CSMD3: variants seen among roughly 807,000 people sequenced by gnomAD.
CSMD3 encodes the protein CUB and sushi domain-containing protein 3.
CSMD3 carries 177 observed loss-of-function variants against 435.2 expected under a neutral mutation model. The observed-to-expected ratio is 0.41, with a 90% CI of 0.36 to 0.46. The LOEUF is 0.46. Among genes scored for constraint, CSMD3 ranks in the 20% least tolerant of loss-of-function variants. The pLI is 0.34. For synonymous variants in CSMD3, 1,656 were observed against 1,520.5 expected (o/e 1.09, Z -2.07); for missense variants, 4,265 against 4,504.6 (o/e 0.95, Z 1.52).
At chr8:113,417,462 T>C (rs911743336) in intron 1 of CSMD3, among the ~76,000 whole-genome samples, 2 of 151,890 alleles carry the variant, frequency 1.3e-5, no homozygotes, top group African/African-American at 4.8e-5. Context: ...TAATTTTATA[T>C]AGTAAAAAAT....
At chr8:112,687,021 T>C (rs2076028192) in intron 14 of CSMD3, among the ~76,000 whole-genome samples, 1 of 152,164 alleles carries the variant, frequency 6.6e-6, no homozygotes, top group Non-Finnish European at 1.5e-5. Context: ...TAACACTGAC[T>C]CTATTCTTGA....
chr8:113,087,295 C>T (rs7842301), intron 5 of CSMD3, among the ~76,000 whole-genome samples: 100,891 of 150,592 alleles, frequency 0.67, 35,369 homozygotes, highest in East Asian at 0.95. Flanking sequence ...AGGTAATTTA[C>T]AGATTCAATG....
chr8:112,763,693 T>C (rs1484920859), intron 13 of CSMD3, among the ~76,000 whole-genome samples: 1 of 150,484 alleles, frequency 6.6e-6, no homozygotes, highest in African/African-American at 2.4e-5. Context: ...TTTGCTATTA[T>C]AATTTTTTTT....
chr8:112,794,320 G>A (rs927956779), intron 13 of CSMD3, among the ~76,000 whole-genome samples: 16 of 119,980 alleles, frequency 1.3e-4, no homozygotes, highest in Non-Finnish European at 2.6e-4. Flanking sequence ...TTGAGATGGA[G>A]TCTCACTGTG....
intron 7 of CSMD3, among the ~76,000 whole-genome samples, chr8:112,955,059 A>G (rs2083965898): frequency 6.6e-6 from 1 of 151,614 alleles, no homozygotes; most frequent in South Asian, 2.1e-4. Flanking sequence ...TTAGCAGTTT[A>G]TGATAAACCA....
chr8:112,919,462 C>T (rs1419541170), intron 10 of CSMD3, among the ~76,000 whole-genome samples: 1 of 151,818 alleles, frequency 6.6e-6, no homozygotes, highest in African/African-American at 2.4e-5. Context: ...AACAAAGATG[C>T]TATGTAGTCT....
intron 9 of CSMD3, among the ~76,000 whole-genome samples, chr8:112,938,920 CATT>C (rs1225556460): frequency 6.6e-6 from 1 of 151,976 alleles, no homozygotes; most frequent in African/African-American, 2.4e-5. Flanking sequence ...TGAGTTTACT[CATT>C]AGTAAAATAG....
chr8:113,165,014 G>C (rs182636152), intron 4 of CSMD3, among the ~76,000 whole-genome samples: 1 of 152,248 alleles, frequency 6.6e-6, no homozygotes, highest in Admixed American at 6.5e-5. Context: ...AAGAGCAAAA[G>C]AATACCAGAT....
chr8:112,255,310 C>A lies in CSMD3; in HGVS notation c.9980G>T (p.Ser3327Ile), dbSNP rs1050414303. 1 of 1,613,482 alleles carries A rather than the reference C, an allele frequency of 6.2e-7. No homozygotes were observed. Among genetic ancestry groups the A allele is most frequent in the Non-Finnish European group, 8.5e-7 (1 of 1,179,618 alleles). ...GCCATCTGCTTGACATATTCTGGTGCTTGATCCCACTAATATGAAAGGAAA... is the reference window on the plus strand; with the variant it reads ...GCCATCTGCTTGACATATTCTGGTGATTGATCCCACTAATATGAAAGGAAA... The part of the protein sequence containing the change: ...CNFPFILVGS[S>I]TRICQADGTW... The change falls in exon 62 of 71, where the codon AGC (serine) becomes ATC (isoleucine). Residue 3327 changes from serine to isoleucine, a missense_variant. This residue lies in a region of CSMD3 where 3,255 missense variants were observed against 3,380.2 expected (regional missense o/e 0.96). Transcript: ENST00000297405.
intron 17 of CSMD3, among the ~76,000 whole-genome samples, chr8:112,659,728 A>G (rs909156126): frequency 2.0e-5 from 3 of 152,172 alleles, no homozygotes; most frequent in African/African-American, 7.2e-5. Context: ...GAATTGTTAA[A>G]TGTTTGGATA....
At chr8:112,457,805 C>T (rs934964883) in intron 32 of CSMD3, among the ~76,000 whole-genome samples, 1 of 151,992 alleles carries the variant, frequency 6.6e-6, no homozygotes, top group African/African-American at 2.4e-5. Context: ...CTCCCAGCTG[C>T]ATATGAATGT....
intron 31 of CSMD3, among the ~76,000 whole-genome samples, chr8:112,479,530 T>C (rs1048409704): frequency 1.3e-5 from 2 of 151,988 alleles, no homozygotes; most frequent in African/African-American, 4.8e-5. Context: ...TAGGAAAAAA[T>C]AATAGTTTCC....
intron 4 of CSMD3, among the ~76,000 whole-genome samples, chr8:113,147,318 T>C (rs2091699086): frequency 6.6e-6 from 1 of 151,720 alleles, no homozygotes; most frequent in Admixed American, 6.6e-5. Flanking sequence ...AAACTATATA[T>C]TGCATAAAAG....
intron 32 of CSMD3, among the ~76,000 whole-genome samples, chr8:112,449,739 T>C (rs1816043180): frequency 6.6e-6 from 1 of 152,230 alleles, no homozygotes; most frequent in South Asian, 2.1e-4. Flanking sequence ...CTAATAGGAA[T>C]GTTCTACGGA....
chr8:112,552,187 C>G (rs1827741615), intron 26 of CSMD3, among the ~76,000 whole-genome samples: 1 of 151,936 alleles, frequency 6.6e-6, no homozygotes, highest in Admixed American at 6.6e-5. Context: ...TAATAATTTG[C>G]AAAACTCTGT....
chr8:113,009,719 T>C (rs559247659), intron 6 of CSMD3, among the ~76,000 whole-genome samples: 3 of 151,800 alleles, frequency 2.0e-5, no homozygotes, highest in Non-Finnish European at 4.4e-5. Flanking sequence ...AATATGATGT[T>C]TTGATTTGAA....
intron 31 of CSMD3, among the ~76,000 whole-genome samples, chr8:112,491,459 AGCCTGAGCAACATT>A (rs1411401014): frequency 3.3e-4 from 50 of 152,220 alleles, no homozygotes; most frequent in Admixed American, 3.3e-3. Context: ...GTTTGAGACC[AGCCTGAGCAACATT>A]GCAAAAACTC....
intron 4 of CSMD3, among the ~76,000 whole-genome samples, chr8:113,117,911 C>T (rs184610803): frequency 9.9e-4 from 151 of 152,314 alleles, no homozygotes; most frequent in African/African-American, 3.4e-3. Context: ...CCTATATCCC[C>T]ATTGTATAAT....
Position 112,304,910 on chromosome 8 carries a change from T to C in CSMD3, c.8077A>G (p.Thr2693Ala). The change falls in exon 52 of 71, where the codon ACA becomes GCA. Residue 2693 changes from threonine (T) to alanine (A), a missense_variant. Coordinates refer to ENST00000297405, the MANE Select transcript of CSMD3 (RefSeq NM_198123.2). ...HNKTPRCVVV[T>A]CPSINSFILE... ...ATAAAGGAATTGATGCTTGGACATG[T>C]AACAACTATACAAAAACCAAAGGGT... 1 of 1,612,694 alleles carries C rather than the reference T, an allele frequency of 6.2e-7. No individual in the cohort carries two copies.
Sources: allele counts gnomAD v4.1 joint callset (sites outside exome capture counted in the v4.1 genomes callset), GRCh38; gene constraint gnomAD v4.1.1; regional missense constraint gnomAD v4.1.1; transcripts MANE v1.5; gene names NCBI Gene and HGNC (gene_info 2026-07-23, HGNC 2026-07-21).